Variants in DCDC1 observed in about 807,000 individuals in gnomAD.
DCDC1 encodes the protein doublecortin domain-containing protein 1.
Under a neutral mutation model 178.3 loss-of-function variants are expected in DCDC1, and 200 were observed. The observed-to-expected ratio is 1.12, with a 90% CI of 1.00 to 1.26. The LOEUF is 1.26. Ranked by LOEUF, DCDC1 falls within the 50% of genes most tolerant of loss-of-function variation. The pLI is 0.00. For missense variants in DCDC1, 1,983 were observed against 1,749.2 expected, an observed-to-expected ratio of 1.13 and a Z score of -2.38; for synonymous variants, 690 against 604.8, an observed-to-expected ratio of 1.14 and a Z score of -2.07.
chr11:31,186,681 G>A (rs747267667), intron 9 of DCDC1, among the ~76,000 whole-genome samples: 2 of 152,228 alleles, frequency 1.3e-5, no homozygotes, highest in Non-Finnish European at 2.9e-5. Context: ...GGCTTCACCA[G>A]AAGCTGCTGG....
chr11:31,347,403 G>C (rs1950870030), intron 1 of DCDC1, among the ~76,000 whole-genome samples: 1 of 152,132 alleles, frequency 6.6e-6, no homozygotes, highest in Non-Finnish European at 1.5e-5. Context: ...GGGAGAGTTA[G>C]TAAAGTTCAA....
At chr11:31,247,558 T>TA in intron 8 of DCDC1, among the ~76,000 whole-genome samples, 1 of 152,054 alleles carries the variant, frequency 6.6e-6, no homozygotes, top group South Asian at 2.1e-4. Context: ...GCATGGAATC[T>TA]AAAGGCGATA....
chr11:31,190,256 T>C (rs1448234408), intron 9 of DCDC1, among the ~76,000 whole-genome samples: 1 of 152,142 alleles, frequency 6.6e-6, no homozygotes, highest in Non-Finnish European at 1.5e-5. Context: ...AAAAGGTTAG[T>C]TACATTATCT....
chr11:31,304,829 CTTATTCCTG>C (rs1206746619), intron 6 of DCDC1, among the ~76,000 whole-genome samples: 4 of 152,162 alleles, frequency 2.6e-5, no homozygotes, highest in Non-Finnish European at 4.4e-5. Flanking sequence ...TGGCAAAGTC[CTTATTCCTG>C]TTATTTAAAT....
In DCDC1 at chr11:31,179,687, A is replaced by C. The variant is rs1352386558; in HGVS notation, c.1222-41903T>G. Among the ~76,000 whole-genome samples, 3 of 152,194 alleles carry C rather than the reference A, an allele frequency of 2.0e-5. No individual in the cohort carries two copies. In the East Asian group the frequency reaches 5.8e-4, roughly 29 times the overall value. ...GAAAATCCCAGGATTGGATGGCCTC[A>C]CTGCTGAATTCCATCAAATATTTAA... is the stretch of plus-strand genomic sequence containing the variant. On this transcript the variant is annotated intron_variant, in intron 9 of 38. Coordinates refer to ENST00000684477, the MANE Select transcript of DCDC1 (RefSeq NM_001387274.1).
chr11:31,099,596 G>A (rs1169882274), intron 15 of DCDC1, among the ~76,000 whole-genome samples: 1 of 152,156 alleles, frequency 6.6e-6, no homozygotes, highest in African/African-American at 2.4e-5. Flanking sequence ...ATTGTAAATG[G>A]CGCAGAAGGG....
At chr11:31,328,573 C>A (rs1019287924) in intron 2 of DCDC1, among the ~76,000 whole-genome samples, 1 of 151,918 alleles carries the variant, frequency 6.6e-6, no homozygotes, top group Non-Finnish European at 1.5e-5. Flanking sequence ...CCAAGGCGGG[C>A]GGATCACAAG....
chr11:30,924,147 T>C (rs1223289547), intron 23 of DCDC1, among the ~76,000 whole-genome samples: 1 of 152,226 alleles, frequency 6.6e-6, no homozygotes. Flanking sequence ...TTGTATTGTA[T>C]GATTTAATGT....
At chr11:31,237,377 G>A (rs976521832) in intron 9 of DCDC1, among the ~76,000 whole-genome samples, 4 of 151,790 alleles carry the variant, frequency 2.6e-5, no homozygotes, top group Admixed American at 2.6e-4. Flanking sequence ...AATTTAAAAA[G>A]TAAAACCTAA....
chr11:30,893,327 G>T (rs1011388649), intron 35 of DCDC1, among the ~76,000 whole-genome samples: 1 of 152,222 alleles, frequency 6.6e-6, no homozygotes, highest in Non-Finnish European at 1.5e-5. Flanking sequence ...CCTACTGAGA[G>T]ATTTCTCTGC....
At chr11:31,004,708 A>T (rs1951749658) in intron 20 of DCDC1, among the ~76,000 whole-genome samples, 1 of 149,550 alleles carries the variant, frequency 6.7e-6, no homozygotes, top group East Asian at 2.0e-4. Flanking sequence ...AAAAAAATAC[A>T]GTTAAGGTCA....
intron 34 of DCDC1, among the ~76,000 whole-genome samples, chr11:30,896,055 A>G (rs1305681365): frequency 6.6e-6 from 1 of 152,212 alleles, no homozygotes. Flanking sequence ...GGTCTTAAGA[A>G]AATGAATGCA....
chr11:31,341,704 T>C (rs1337340088), intron 1 of DCDC1, among the ~76,000 whole-genome samples: 3 of 152,100 alleles, frequency 2.0e-5, no homozygotes, highest in Non-Finnish European at 4.4e-5. Flanking sequence ...TTACAACAGC[T>C]ATGTCACTAG....
At chr11:30,995,373 A>C (rs1461362895) in intron 20 of DCDC1, among the ~76,000 whole-genome samples, 1 of 152,134 alleles carries the variant, frequency 6.6e-6, no homozygotes, top group Non-Finnish European at 1.5e-5. Context: ...TCCAATAAAA[A>C]TCCCAGCAAA....
chr11:31,041,852 G>A (rs1360143710), intron 20 of DCDC1, among the ~76,000 whole-genome samples: 1 of 152,090 alleles, frequency 6.6e-6, no homozygotes, highest in Non-Finnish European at 1.5e-5. Flanking sequence ...TGGTCTAAAA[G>A]ATAAAAGAAG....
intron 30 of DCDC1, among the ~76,000 whole-genome samples, chr11:30,905,857 T>C (rs1439819356): frequency 1.3e-5 from 2 of 152,130 alleles, no homozygotes; most frequent in Non-Finnish European, 2.9e-5. Context: ...ATATCAGGAT[T>C]AGGGAAGGGA....
In DCDC1 at chr11:31,133,693, G is replaced by T. The variant is rs1208298555; in HGVS notation, c.1314+3999C>A. Among the ~76,000 whole-genome samples, 3 of 151,118 alleles carry T rather than the reference G, an allele frequency of 2.0e-5. No individual in the cohort carries two copies. The East Asian group carries it at 5.8e-4, about 29-fold the overall frequency. ...TTCAAATACTACCAAATTTTTGTGG[G>T]TTTTTTTTTGTTTTTGTTTTTGTTT... is the stretch of plus-strand genomic sequence containing the variant. On this transcript the variant is annotated intron_variant, in intron 10 of 38. Transcript: ENST00000684477.
intron 35 of DCDC1, among the ~76,000 whole-genome samples, chr11:30,893,846 C>G (rs1205958897): frequency 6.6e-6 from 1 of 152,156 alleles, no homozygotes; most frequent in Non-Finnish European, 1.5e-5. Flanking sequence ...TTCTTTAATT[C>G]TTCACTTCTG....
At chr11:31,048,077 T>C (rs1198174930) in intron 20 of DCDC1, among the ~76,000 whole-genome samples, 1 of 152,158 alleles carries the variant, frequency 6.6e-6, no homozygotes, top group African/African-American at 2.4e-5. Context: ...TCTTTTGTAT[T>C]TGAGGAAATC....
Sources: allele counts gnomAD v4.1 joint callset (sites outside exome capture counted in the v4.1 genomes callset), GRCh38; gene constraint gnomAD v4.1.1; transcripts MANE v1.5; gene names NCBI Gene and HGNC (gene_info 2026-07-23, HGNC 2026-07-21).